The following TAF9 variants were observed in gnomAD, a reference collection of about 807,000 sequenced individuals.
The protein encoded by TAF9 is TATA-box binding protein associated factor 9.
A neutral mutation model predicts 16.5 loss-of-function variants in TAF9; 10 were observed. That is an observed-to-expected ratio of 0.61 (90% CI 0.37 to 1.03). TAF9 has a LOEUF of 1.03. TAF9 is among the 50% of genes least tolerant of loss of function. The probability of loss-of-function intolerance (pLI) is 0.01; values close to 1 mark genes in which losing one functional copy is unlikely to be tolerated. For missense variants in TAF9, 288 were observed against 319.1 expected, an observed-to-expected ratio of 0.90 and a Z score of 0.74; for synonymous variants, 105 against 120.5, an observed-to-expected ratio of 0.87 and a Z score of 0.84.
intron 1 of TAF9, among the ~76,000 whole-genome samples, chr5:69,368,454 G>A (rs1029167962): frequency 6.6e-6 from 1 of 152,150 alleles, no homozygotes; most frequent in East Asian, 1.9e-4. Flanking sequence ...TCAATAAAAT[G>A]TTCACTTTAA....
At chr5:69,369,344 G>T in intron 1 of TAF9, 119 bp downstream of exon 1, 1 of 1,110,318 alleles carries the variant, frequency 9.0e-7, no homozygotes, top group Non-Finnish European at 1.2e-6. Flanking sequence ...ACCGCCTCGT[G>T]GCCCTCGGCC....
chr5:69,365,239 G>A lies in TAF9; in HGVS notation c.499C>T (p.Pro167Ser), dbSNP rs149658269. ...PSTPTLGTPT[P>S]QTMSVSTKVG... is the part of the protein sequence containing the mutation. ...TTAGTTGAAACAGACATGGTCTGTG[G>A]GGTTGGTGTGCCTAGTGTGGGAGTA... Residue 167 changes from proline to serine, a missense_variant, in exon 3 of 3, where the codon CCA (proline) becomes TCA (serine). Physicochemically the swap from Pro to Ser is moderately conservative, Grantham distance 74 (BLOSUM62 -1). Coordinates refer to ENST00000217893, the MANE Select transcript of TAF9 (RefSeq NM_003187.5). The A allele has an allele frequency of 1.6e-4, 261 of 1,614,198 alleles. No individual in the cohort carries two copies. In the African/African-American group the frequency reaches 3.2e-3, roughly 20 times the overall value.
At position 69,368,176 on chromosome 5, in the gene TAF9, CTT is replaced by C. The variant is rs4252224; in HGVS notation, c.-111+1285_-111+1286del. ...GTAAATGTACATATATGTACATACT[CTT>C]TGTTATATAAATACAACACATATTC... On this transcript the variant is annotated intron_variant, in intron 1 of 2. Coordinates refer to ENST00000217893, the MANE Select transcript of TAF9 (RefSeq NM_003187.5). 5.5e-3 allele frequency among the ~76,000 whole-genome samples: 833 copies of C among 152,246 alleles called. 7 individuals are homozygous for C. In the East Asian group the frequency reaches 0.062, roughly 11 times the overall value.
chr5:69,364,888 T>C lies in TAF9; in HGVS notation c.*55A>G. The C allele has an allele frequency of 2.0e-6, 3 of 1,479,718 alleles. No homozygotes were observed. The highest frequency in any genetic ancestry group is 2.3e-5 in the East Asian group (1 of 44,060). 91.7% of individuals were successfully genotyped at this position (1,479,718 alleles called of 1,614,324 possible). A position where few individuals can be genotyped will look rare whatever the true frequency, so the allele number is the denominator to read the frequency against. ...GAAAACATCCAGCATGCATGTTTAA[T>C]ATCAGTACAATGAATTCAAGACCAA... On this transcript the variant is annotated 3_prime_UTR_variant, in exon 3 of 3. Coordinates refer to ENST00000217893, the MANE Select transcript of TAF9 (RefSeq NM_003187.5).
In TAF9 at chr5:69,366,418, C is replaced by T. The variant is rs193128360; in HGVS notation, c.-18+85G>A. 176 of 1,028,230 alleles carry T rather than the reference C, an allele frequency of 1.7e-4. No individual in the cohort carries two copies. In the African/African-American group the frequency reaches 2.3e-3, roughly 13 times the overall value. 63.7% of individuals were successfully genotyped at this position (1,028,230 alleles called of 1,614,324 possible). A position where few individuals can be genotyped will look rare whatever the true frequency, so the allele number is the denominator to read the frequency against. Reference sequence around the variant, plus strand: ...TAATGGCAATCTCTGTTTTTTGTACCCTATGACAATACCCAGCACTAACAC... The same window carrying T: ...TAATGGCAATCTCTGTTTTTTGTACTCTATGACAATACCCAGCACTAACAC... On this transcript the variant is annotated intron_variant, in intron 2 of 2. Coordinates refer to ENST00000217893, the MANE Select transcript of TAF9 (RefSeq NM_003187.5).
intron 2 of TAF9, 84 bp from the exon 3 acceptor site, chr5:69,365,838 T>C (rs1762398466): frequency 1.9e-6 from 2 of 1,056,456 alleles, no homozygotes; most frequent in African/African-American, 1.6e-5. Flanking sequence ...CTTAAAAAAA[T>C]TTTAAATCTA....
chr5:69,369,392 C>G, intron 1 of TAF9, 71 bp downstream of exon 1: 2 of 1,548,668 alleles, frequency 1.3e-6, no homozygotes, highest in East Asian at 2.4e-5. Context: ...CCCACCTGGG[C>G]GCCCGATGCC....
chr5:69,366,567 T>C lies in TAF9; in HGVS notation c.-82A>G, dbSNP rs370169491. On this transcript the variant is annotated 5_prime_UTR_variant, in exon 2 of 3. Transcript: ENST00000217893. ...CTGATTTTGACGCAAGTTCTTTGCC[T>C]AGTGTGGTTTTTCCAACCCCTGGTG... 5.6e-6 allele frequency: 9 copies of C among 1,613,950 alleles called. No individual in the cohort carries two copies. In the African/African-American group the frequency reaches 1.1e-4, roughly 19 times the overall value.
At chr5:69,369,065 T>C (rs1164176894) in intron 1 of TAF9, 6 of 269,714 alleles carry the variant, frequency 2.2e-5, no homozygotes, top group Non-Finnish European at 1.4e-5. Context: ...CCACCATTAA[T>C]GACTCTACCG....
Position 69,364,833 on chromosome 5 carries a change from C to T in TAF9, c.*110G>A. ...GAAAAGTATGGTAACTGTGTTTACTCATTATTATTAGTTTTCTAAAACACA... is the reference window on the plus strand; with the variant it reads ...GAAAAGTATGGTAACTGTGTTTACTTATTATTATTAGTTTTCTAAAACACA... On this transcript the variant is annotated 3_prime_UTR_variant, in exon 3 of 3. Coordinates refer to ENST00000217893, the MANE Select transcript of TAF9 (RefSeq NM_003187.5). 2 of 946,164 alleles carry T rather than the reference C, an allele frequency of 2.1e-6. No individual in the cohort carries two copies. Among genetic ancestry groups the T allele is most frequent in the Non-Finnish European group, 3.2e-6 (2 of 625,948 alleles). The allele number at this position is 946,164 out of a possible 1,614,324, so 58.6% of individuals were successfully genotyped here.
At chr5:69,368,215 A>T (rs1762585243) in intron 1 of TAF9, among the ~76,000 whole-genome samples, 1 of 152,168 alleles carries the variant, frequency 6.6e-6, no homozygotes. Context: ...CTTTTACATA[A>T]ATGACAATAC....
chr5:69,369,276 G>A, intron 1 of TAF9, 187 bp downstream of exon 1: 1 of 106,092 alleles, frequency 9.4e-6, no homozygotes, highest in Non-Finnish European at 1.6e-5. Flanking sequence ...TTAACGTTCC[G>A]CGTCCCCTCC....
chr5:69,369,349 T>G, intron 1 of TAF9, 114 bp downstream of exon 1: 1 of 1,183,088 alleles, frequency 8.5e-7, no homozygotes, highest in Non-Finnish European at 1.1e-6. Flanking sequence ...CTCGTGGCCC[T>G]CGGCCGGCCT....
At chr5:69,366,391 T>G in intron 2 of TAF9, 112 bp downstream of exon 2, 1 of 789,864 alleles carries the variant, frequency 1.3e-6, no homozygotes, top group East Asian at 2.5e-5. Context: ...GTATATATTC[T>G]TTAATGGCAA....
In TAF9 at chr5:69,369,226, A is replaced by ACCCCCC. The variant is rs200123392; in HGVS notation, c.-111+231_-111+236dup. Reference sequence around the variant, plus strand: ...GAGCTGGATCTGCCGACCTCTCTCCACCCCCCCCCGCCCCCCCCCGGAGCC... The same window carrying ACCCCCC: ...GAGCTGGATCTGCCGACCTCTCTCCACCCCCCCCCCCCCCCGCCCCCCCCCGGAGCC... On this transcript the variant is annotated intron_variant, in intron 1 of 2. Coordinates refer to ENST00000217893, the MANE Select transcript of TAF9 (RefSeq NM_003187.5). 3.8e-3 allele frequency: 469 copies of ACCCCCC among 124,522 alleles called. 40 individuals carry two copies. The highest frequency in any genetic ancestry group is 6.7e-3 in the South Asian group (42 of 6,238). 7.7% of individuals were successfully genotyped at this position (124,522 alleles called of 1,614,324 possible).
Position 69,365,484 on chromosome 5 carries a change from G to C in TAF9, c.254C>G (p.Ser85Cys), listed in dbSNP as rs750481634. 3 of 1,614,048 alleles carry C rather than the reference G, an allele frequency of 1.9e-6. No individual in the cohort carries two copies. The highest frequency in any genetic ancestry group is 2.5e-6 in the Non-Finnish European group (3 of 1,180,028). The change falls in exon 3 of 3, where the codon TCT becomes TGT. Residue 85 changes from serine (S) to cysteine (C), a missense_variant. By Grantham distance (112) the Ser-to-Cys change is moderately radical. Coordinates refer to ENST00000217893, the MANE Select transcript of TAF9 (RefSeq NM_003187.5). ...IQCRADQSFTSPPPRDFLLDI... is the reference protein window; with the variant it reads ...IQCRADQSFTCPPPRDFLLDI... Reference sequence around the variant, plus strand: ...TAATAAAAAATCTCTTGGGGGAGGAGAGGTAAAAGACTGATCAGCGCGGCA... The same window carrying C: ...TAATAAAAAATCTCTTGGGGGAGGACAGGTAAAAGACTGATCAGCGCGGCA...
At chr5:69,366,712 A>G (rs1762442672) in intron 1 of TAF9, 117 bp from the exon 2 acceptor site, 1 of 742,386 alleles carries the variant, frequency 1.3e-6, no homozygotes, top group South Asian at 1.7e-5. Flanking sequence ...TCTGCCCTTA[A>G]AAGTTCTTGA....
In TAF9 at chr5:69,365,320, CA is replaced by C; in HGVS notation, c.417del (p.Ala140ArgfsTer4). 6.2e-7 allele frequency: 1 copy of C among 1,614,162 alleles called. No individual in the cohort carries two copies. The highest frequency in any genetic ancestry group is 8.5e-7 in the Non-Finnish European group (1 of 1,180,036). ...LKSLQKKASTSAGRITVPRLS... is the reference protein window; with the variant it reads ...LKSLQKKASTXAGRITVPRLS... ...AACCGCGGGACTGTTATTCTTCCCG[CA>C]GAAGTTGATGCCTTTTTCTGTAAAG... On this transcript the variant is annotated frameshift_variant, in exon 3 of 3. Transcript: ENST00000217893. LOFTEE classifies it high-confidence loss of function.
Position 69,369,074 on chromosome 5 carries a change from C to A in TAF9, c.-111+389G>T, listed in dbSNP as rs544422947. 4 of 295,174 alleles carry A rather than the reference C, an allele frequency of 1.4e-5. No homozygotes were observed. The Admixed American group carries it at 2.2e-4, about 16-fold the overall frequency. The allele number at this position is 295,174 out of a possible 1,614,324, so 18.3% of individuals were successfully genotyped here. On this transcript the variant is annotated intron_variant, in intron 1 of 2. Coordinates refer to ENST00000217893, the MANE Select transcript of TAF9 (RefSeq NM_003187.5). ...AGGCATCCACCATTAATGACTCTAC[C>A]GGGAAGCAGATATGGCCTTACGTTA...
Sources: gnomAD v4.1 joint callset for allele counts (sites outside exome capture counted in the v4.1 genomes callset) on GRCh38, gnomAD v4.1.1 for gene constraint, MANE v1.5 for transcripts, NCBI Gene and HGNC (gene_info 2026-07-23, HGNC 2026-07-21) for gene names.